The following KHDRBS2 variants were observed in gnomAD, a reference collection of about 807,000 sequenced individuals.
KHDRBS2 encodes the protein KH domain-containing, RNA-binding, signal transduction-associated protein 2.
KHDRBS2 carries 26 observed loss-of-function variants against 44.3 expected under a neutral mutation model. That is an observed-to-expected ratio of 0.59 (90% CI 0.43 to 0.81). The LOEUF is 0.81. KHDRBS2 is among the 40% of genes least tolerant of loss of function. The pLI is 0.00. For missense variants in KHDRBS2, 476 were observed against 433.1 expected (o/e 1.10, Z -0.88); for synonymous variants, 194 against 151.1 (o/e 1.28, Z -2.08).
In KHDRBS2 at chr6:62,139,414, G is replaced by A. The variant is rs554786520; in HGVS notation, c.219+37771C>T. 1.9e-4 allele frequency among the ~76,000 whole-genome samples: 29 copies of A among 152,022 alleles called. No homozygotes were observed. The East Asian group carries it at 3.9e-3, about 20-fold the overall frequency. On this transcript the variant is annotated intron_variant, in intron 2 of 8. Coordinates refer to ENST00000281156, the MANE Select transcript of KHDRBS2 (RefSeq NM_152688.4). ...AAAAATACAAAAAAATTAGCCGGGC[G>A]TGGTGGCGGGCACCTGTAGTCCCAG... is the stretch of plus-strand genomic sequence containing the variant.
intron 3 of KHDRBS2, among the ~76,000 whole-genome samples, chr6:62,032,244 TGGGGGGAAA>T (rs1007944025): frequency 1.3e-5 from 2 of 151,820 alleles, no homozygotes; most frequent in East Asian, 1.9e-4. Flanking sequence ...TTTGAGTCAG[TGGGGGGAAA>T]GGCAGACACA....
At chr6:62,126,920 TG>T (rs1421749037) in intron 2 of KHDRBS2, among the ~76,000 whole-genome samples, 1 of 152,214 alleles carries the variant, frequency 6.6e-6, no homozygotes, top group African/African-American at 2.4e-5. Flanking sequence ...CAATGAAACA[TG>T]TACACCTTTT....
intron 1 of KHDRBS2, among the ~76,000 whole-genome samples, chr6:62,277,128 G>C (rs985593246): frequency 6.6e-6 from 1 of 151,898 alleles, no homozygotes; most frequent in African/African-American, 2.4e-5. Flanking sequence ...GACTTTCTCT[G>C]AATTCCTATA....
At chr6:61,937,498 G>C (rs1811249856) in intron 4 of KHDRBS2, among the ~76,000 whole-genome samples, 1 of 151,704 alleles carries the variant, frequency 6.6e-6, no homozygotes, top group African/African-American at 2.4e-5. Context: ...CTTATCTTTG[G>C]TCTGATGTGT....
intron 1 of KHDRBS2, among the ~76,000 whole-genome samples, chr6:62,228,059 C>T (rs183298313): frequency 2.9e-4 from 44 of 152,216 alleles, no homozygotes; most frequent in African/African-American, 1.0e-3. Flanking sequence ...GGTGGAGTCC[C>T]TCCTTTTCTA....
chr6:62,022,517 G>A (rs542198481), intron 3 of KHDRBS2, among the ~76,000 whole-genome samples: 2 of 151,796 alleles, frequency 1.3e-5, no homozygotes, highest in East Asian at 3.9e-4. Flanking sequence ...CAAATTATTT[G>A]TGTACTATAT....
At chr6:61,823,945 TAACA>T (rs1458212746) in intron 6 of KHDRBS2, among the ~76,000 whole-genome samples, 7 of 152,076 alleles carry the variant, frequency 4.6e-5, no homozygotes, top group Admixed American at 6.6e-5. Context: ...GTAGAAATAT[TAACA>T]ATCAATTCTT....
At chr6:61,630,368 G>GC in the KHDRBS2 span, 36 of 127,320 alleles carry the variant, frequency 2.8e-4, no homozygotes, top group African/African-American at 9.7e-4. Context: ...AAAAGCAAAG[G>GC]TGAATGGCTG....
At chr6:61,896,433 T>A (rs1457967948) in intron 5 of KHDRBS2, among the ~76,000 whole-genome samples, 5 of 152,130 alleles carry the variant, frequency 3.3e-5, no homozygotes, top group African/African-American at 1.2e-4. Flanking sequence ...TTTATAGTAC[T>A]TCCTTCTGCT....
intron 6 of KHDRBS2, among the ~76,000 whole-genome samples, chr6:61,861,527 T>A (rs532039370): frequency 1.4e-4 from 21 of 152,288 alleles, no homozygotes; most frequent in Middle Eastern, 3.4e-3. Flanking sequence ...TGGTTGTAGA[T>A]GTACAGTCTT....
At chr6:62,028,422 C>T (rs1562675511) in intron 3 of KHDRBS2, among the ~76,000 whole-genome samples, 1 of 152,068 alleles carries the variant, frequency 6.6e-6, no homozygotes, top group Non-Finnish European at 1.5e-5. Flanking sequence ...AAAACGTCAT[C>T]TGTATGTATT....
chr6:61,952,944 T>A (rs1172210040), intron 4 of KHDRBS2, among the ~76,000 whole-genome samples: 1 of 152,068 alleles, frequency 6.6e-6, no homozygotes, highest in Non-Finnish European at 1.5e-5. Context: ...TCCTGTAATA[T>A]GGTTTCTTTG....
At chr6:62,235,013 T>G (rs967785407) in intron 1 of KHDRBS2, among the ~76,000 whole-genome samples, 1 of 151,658 alleles carries the variant, frequency 6.6e-6, no homozygotes, top group African/African-American at 2.4e-5. Context: ...TTCCCAAAAC[T>G]TATTCTATTA....
the KHDRBS2 span, among the ~76,000 whole-genome samples, chr6:61,576,719 A>G: frequency 6.6e-6 from 1 of 152,192 alleles, no homozygotes; most frequent in African/African-American, 2.4e-5. Flanking sequence ...ATTTTAACTC[A>G]AGACTATCCC....
At position 62,101,267 on chromosome 6, in the gene KHDRBS2, A is replaced by G. The variant is rs144893971; in HGVS notation, c.220-53273T>C. Among the ~76,000 whole-genome samples, 27 of 152,192 alleles carry G rather than the reference A, an allele frequency of 1.8e-4. No homozygotes were observed. The East Asian group carries it at 4.8e-3, about 27-fold the overall frequency. On this transcript the variant is annotated intron_variant, in intron 2 of 8. Coordinates refer to ENST00000281156, the MANE Select transcript of KHDRBS2 (RefSeq NM_152688.4). The stretch of plus-strand genomic sequence containing the variant: ...GATGCTATGGTCAATCTCAGGTTAT[A>G]TTACAAGATATCAACATCCACAGTT...
intron 5 of KHDRBS2, among the ~76,000 whole-genome samples, chr6:61,898,734 C>T (rs1407962242): frequency 2.6e-5 from 4 of 151,820 alleles, no homozygotes; most frequent in African/African-American, 9.7e-5. Context: ...TACTTTCATG[C>T]ACAAAAGGGT....
intron 6 of KHDRBS2, among the ~76,000 whole-genome samples, chr6:61,869,249 G>T (rs1798242631): frequency 6.6e-6 from 1 of 152,160 alleles, no homozygotes; most frequent in Admixed American, 6.5e-5. Context: ...CTCTGTATAT[G>T]CCATGCACTG....
In KHDRBS2 at chr6:61,732,756, A is replaced by C. The variant is rs1312906558; in HGVS notation, c.819T>G (p.Asp273Glu). 6.2e-7 allele frequency: 1 copy of C among 1,600,192 alleles called. No individual in the cohort carries two copies. The highest frequency in any genetic ancestry group is 2.2e-5 in the East Asian group (1 of 44,740). Residue 273 changes from aspartate (D) to glutamate (E), a missense_variant, in exon 7 of 9, where the codon GAT (aspartate) becomes GAG (glutamate). Asp to Glu is a conservative substitution (Grantham distance 45). Coordinates refer to ENST00000281156, the MANE Select transcript of KHDRBS2 (RefSeq NM_152688.4). ...CATCATATTCACCCCCGTAGCCATC[A>C]TCATAACCCTGAGACAAAAAAATGG... ...AHEAYEEYGY[D>E]DGYGGEYDDQ...
At chr6:62,061,467 A>C (rs1326113395) in intron 2 of KHDRBS2, among the ~76,000 whole-genome samples, 2 of 150,924 alleles carry the variant, frequency 1.3e-5, no homozygotes, top group African/African-American at 4.9e-5. Context: ...TTCTGGGTTC[A>C]AAATTCTTTT....
Sources: gnomAD v4.1 joint callset for allele counts (sites outside exome capture counted in the v4.1 genomes callset) on GRCh38, gnomAD v4.1.1 for gene constraint, MANE v1.5 for transcripts, NCBI Gene and HGNC (gene_info 2026-07-23, HGNC 2026-07-21) for gene names.